The following PRP4K variants were observed in gnomAD, a reference collection of about 807,000 sequenced individuals.
The protein encoded by PRP4K is pre-mRNA processing factor kinase PRP4K.
chr6:4,052,757 G>T, the PRP4K span: 1 of 1,602,156 alleles, frequency 6.2e-7, no homozygotes, highest in Non-Finnish European at 8.5e-7. Flanking sequence ...ATATGGTAAA[G>T]ATGTTGGTCT....
the PRP4K span, chr6:4,051,902 T>C: frequency 1.7e-6 from 2 of 1,158,848 alleles, no homozygotes; most frequent in Non-Finnish European, 2.4e-6. Context: ...CATTATTTAG[T>C]GCTCCTAAAT....
At chr6:4,052,691 GTT>G in the PRP4K span, 1 of 1,464,108 alleles carries the variant, frequency 6.8e-7, no homozygotes, top group Non-Finnish European at 9.2e-7. Context: ...CTCCTATTTT[GTT>G]TTCTTTTTTT....
the PRP4K span, among the ~76,000 whole-genome samples, chr6:4,039,277 A>C: frequency 1.3e-5 from 2 of 152,296 alleles, no homozygotes; most frequent in African/African-American, 4.8e-5. Context: ...CAGAGTAATT[A>C]GATATTTTTG....
At chr6:4,021,412 T>G in the PRP4K span, 4 of 1,577,944 alleles carry the variant, frequency 2.5e-6, no homozygotes, top group South Asian at 1.2e-5. Flanking sequence ...CGCCGAGGAG[T>G]CAGGAAGTTC....
At chr6:4,042,276 A>G in the PRP4K span, among the ~76,000 whole-genome samples, 3 of 152,342 alleles carry the variant, frequency 2.0e-5, no homozygotes, top group African/African-American at 7.2e-5. Flanking sequence ...TGGTGCCATG[A>G]AATAGATGAG....
the PRP4K span, among the ~76,000 whole-genome samples, chr6:4,036,479 C>T: frequency 3.9e-5 from 6 of 152,150 alleles, no homozygotes; most frequent in African/African-American, 1.2e-4. Flanking sequence ...GCCTCAGCTT[C>T]CCACAGTGCT....
chr6:4,025,268 G>A, the PRP4K span, among the ~76,000 whole-genome samples: 79 of 152,292 alleles, frequency 5.2e-4, no homozygotes, highest in African/African-American at 1.6e-3. Flanking sequence ...CAAGAGGGCC[G>A]TTAGGTTTCT....
At chr6:4,044,822 G>A in the PRP4K span, among the ~76,000 whole-genome samples, 2 of 151,130 alleles carry the variant, frequency 1.3e-5, no homozygotes, top group African/African-American at 4.9e-5. Flanking sequence ...TTGGAGGGCA[G>A]AACCTGCCAC....
chr6:4,033,647 G>A, the PRP4K span, among the ~76,000 whole-genome samples: 1 of 152,102 alleles, frequency 6.6e-6, no homozygotes, highest in African/African-American at 2.4e-5. Context: ...TACTATATAA[G>A]GATGTTATTA....
the PRP4K span, chr6:4,041,075 T>C: frequency 2.3e-6 from 2 of 879,408 alleles, no homozygotes; most frequent in African/African-American, 1.7e-5. Flanking sequence ...TTGTGAATAT[T>C]GTGTAGGTTG....
the PRP4K span, among the ~76,000 whole-genome samples, chr6:4,039,553 C>CTG: frequency 6.6e-6 from 1 of 152,104 alleles, no homozygotes; most frequent in East Asian, 1.9e-4. Context: ...TGTACCGAGT[C>CTG]TGGCTGTTTA....
chr6:4,038,364 G>A, the PRP4K span, among the ~76,000 whole-genome samples: 1 of 151,550 alleles, frequency 6.6e-6, no homozygotes, highest in South Asian at 2.1e-4. Context: ...CGATCTCACT[G>A]CAACCTCCAC....
chr6:4,042,809 T>A, the PRP4K span, among the ~76,000 whole-genome samples: 1 of 152,238 alleles, frequency 6.6e-6, no homozygotes, highest in African/African-American at 2.4e-5. Context: ...AAACCTCTTC[T>A]GTAAAACATG....
the PRP4K span, chr6:4,031,699 CAGA>C: frequency 3.1e-6 from 5 of 1,602,522 alleles, no homozygotes; most frequent in African/African-American, 2.7e-5. Context: ...AAACATTCCT[CAGA>C]AGAAGACAAG....
the PRP4K span, among the ~76,000 whole-genome samples, chr6:4,042,102 C>T: frequency 5.9e-5 from 9 of 152,154 alleles, no homozygotes; most frequent in Non-Finnish European, 1.2e-4. Context: ...AGCTTTCAGG[C>T]GGTTCTGACA....
At chr6:4,064,307 T>C in the PRP4K span, 1 of 152,606 alleles carries the variant, frequency 6.6e-6, no homozygotes, top group African/African-American at 2.4e-5. Context: ...TGGTATGTGG[T>C]AGAGTAAGTA....
the PRP4K span, among the ~76,000 whole-genome samples, chr6:4,035,284 ATTTTTTTTTT>A: frequency 2.9e-4 from 17 of 58,800 alleles, no homozygotes; most frequent in African/African-American, 7.8e-4. Flanking sequence ...CGCCCGGCTA[ATTTTTTTTTT>A]TTTTTTTTTT....
At chr6:4,037,486 G>C in the PRP4K span, 1 of 1,614,014 alleles carries the variant, frequency 6.2e-7, no homozygotes, top group Non-Finnish European at 8.5e-7. Flanking sequence ...CGAAGAAGAA[G>C]TAGATCTCCC....
chr6:4,041,027 G>A, the PRP4K span: 1 of 1,245,870 alleles, frequency 8.0e-7, no homozygotes. Flanking sequence ...ATTATAAGTG[G>A]CTCCATTAAT....
Sources: gnomAD v4.1 joint callset for allele counts (sites outside exome capture counted in the v4.1 genomes callset) on GRCh38, gnomAD v4.1.1 for gene constraint, MANE v1.5 for transcripts, NCBI Gene and HGNC (gene_info 2026-07-23, HGNC 2026-07-21) for gene names.